MARCHF10: variants seen among roughly 807,000 people sequenced by gnomAD.
MARCHF10 encodes membrane associated ring-CH-type finger 10.
MARCHF10 carries 64 observed loss-of-function variants against 76.2 expected under a neutral mutation model. The observed-to-expected ratio is 0.84, with a 90% CI of 0.69 to 1.03. The LOEUF is 1.03. Ranked by LOEUF, MARCHF10 falls within the 50% of genes least tolerant of loss-of-function variation. MARCHF10 has a pLI of 0.00. For synonymous variants in MARCHF10, 340 were observed against 357.5 expected (o/e 0.95, Z 0.55); for missense variants, 875 against 958.0 (o/e 0.91, Z 1.14).
At position 62,788,431 on chromosome 17, in the gene MARCHF10, C is replaced by G. The variant is rs373544098; in HGVS notation, c.210+49G>C. The G allele has an allele frequency of 1.1e-4, 173 of 1,597,282 alleles. 1 individual carries two copies. Among genetic ancestry groups the G allele is most frequent in the South Asian group, 7.0e-4 (63 of 90,514 alleles). On this transcript the variant is annotated intron_variant, in intron 3 of 10. Transcript: ENST00000311269. The stretch of plus-strand genomic sequence containing the variant: ...CACACACACACACACACCACCACCA[C>G]CAGCAGCAGCAGCAGCCCCAGGAGA...
chr17:62,710,549 G>GTTTTTTT (rs1568093469), intron 9 of MARCHF10, among the ~76,000 whole-genome samples: 1 of 116,980 alleles, frequency 8.5e-6, no homozygotes, highest in African/African-American at 3.6e-5. Context: ...TTTGAACCCA[G>GTTTTTTT]CTTTTTTTTT....
intron 3 of MARCHF10, among the ~76,000 whole-genome samples, chr17:62,786,782 C>T (rs1169682227): frequency 6.6e-6 from 1 of 152,174 alleles, no homozygotes; most frequent in Non-Finnish European, 1.5e-5. Context: ...GAACATAAAA[C>T]TTCAAATCCT....
intron 2 of MARCHF10, chr17:62,795,080 T>A (rs886919734): frequency 4.1e-6 from 4 of 985,070 alleles, no homozygotes; most frequent in Non-Finnish European, 4.8e-6. Context: ...AAAAGTTGAT[T>A]TATCCCCATT....
chr17:62,788,994 C>T (rs375289559), intron 2 of MARCHF10, among the ~76,000 whole-genome samples: 1,401 of 127,332 alleles, frequency 0.011, 15 homozygotes, highest in African/African-American at 0.039. Context: ...ACCCGGGAAG[C>T]GGAGCTTGCA....
At chr17:62,762,085 G>A (rs1162010360) in intron 3 of MARCHF10, among the ~76,000 whole-genome samples, 1 of 152,146 alleles carries the variant, frequency 6.6e-6, no homozygotes, top group Non-Finnish European at 1.5e-5. Flanking sequence ...CATCTTCGCG[G>A]ATCCATTTCC....
intron 3 of MARCHF10, among the ~76,000 whole-genome samples, chr17:62,781,374 C>A (rs769978182): frequency 6.6e-6 from 1 of 152,130 alleles, no homozygotes; most frequent in Non-Finnish European, 1.5e-5. Context: ...AATGATCCCA[C>A]GAGATATGCA....
chr17:62,744,112 T>A (rs1366420734), intron 5 of MARCHF10, among the ~76,000 whole-genome samples: 1 of 152,008 alleles, frequency 6.6e-6, no homozygotes, highest in African/African-American at 2.4e-5. Context: ...TCAAAACCAG[T>A]TACACTCATG....
intron 3 of MARCHF10, among the ~76,000 whole-genome samples, chr17:62,770,604 G>A (rs1035254876): frequency 1.4e-5 from 2 of 146,550 alleles, no homozygotes; most frequent in Admixed American, 7.0e-5. Context: ...TGCAGTGCAC[G>A]ATCTTGACTC....
At chr17:62,798,094 T>C (rs988218172) in intron 2 of MARCHF10, among the ~76,000 whole-genome samples, 1 of 152,180 alleles carries the variant, frequency 6.6e-6, no homozygotes, top group Admixed American at 6.5e-5. Context: ...AATACACATA[T>C]GACTCTGATG....
At chr17:62,701,793 C>T (rs772539507) in intron 10 of MARCHF10, 35 bp from the exon 11 acceptor site, 28 of 1,613,260 alleles carry the variant, frequency 1.7e-5, no homozygotes, top group Admixed American at 3.3e-5. Context: ...GCTGGAGGGC[C>T]GCAGCAGACC....
intron 4 of MARCHF10, chr17:62,747,033 A>T: frequency 8.0e-7 from 1 of 1,254,576 alleles, no homozygotes; most frequent in East Asian, 2.5e-5. Flanking sequence ...TTAGTGTTTA[A>T]ATATTCTAAA....
chr17:62,769,409 TAC>T (rs1287678914), intron 3 of MARCHF10, among the ~76,000 whole-genome samples: 1 of 152,132 alleles, frequency 6.6e-6, no homozygotes, highest in Non-Finnish European at 1.5e-5. Flanking sequence ...TTTCTAATCC[TAC>T]ATTTGTTTGT....
chr17:62,777,850 C>T (rs2092582318), intron 3 of MARCHF10, among the ~76,000 whole-genome samples: 1 of 152,022 alleles, frequency 6.6e-6, no homozygotes, highest in Admixed American at 6.6e-5. Context: ...TGCTGCTGTG[C>T]ACCACCACTT....
At chr17:62,763,141 C>G (rs963341644) in intron 3 of MARCHF10, among the ~76,000 whole-genome samples, 67 of 152,130 alleles carry the variant, frequency 4.4e-4, no homozygotes, top group Admixed American at 4.4e-3. Context: ...TACATGTAAC[C>G]CAGCAAGCGC....
chr17:62,721,315 A>G (rs2090474567), intron 8 of MARCHF10, among the ~76,000 whole-genome samples: 1 of 151,966 alleles, frequency 6.6e-6, no homozygotes, highest in African/African-American at 2.4e-5. Context: ...TGGAAAGTGT[A>G]CTAAGTCTTT....
chr17:62,718,508 T>G (rs2090329924), intron 8 of MARCHF10, among the ~76,000 whole-genome samples: 1 of 152,208 alleles, frequency 6.6e-6, no homozygotes, highest in African/African-American at 2.4e-5. Flanking sequence ...GTGTTTGTGG[T>G]GTCAGTAGAT....
intron 1 of MARCHF10, among the ~76,000 whole-genome samples, chr17:62,805,959 C>T (rs1462677126): frequency 6.6e-6 from 1 of 151,608 alleles, no homozygotes; most frequent in South Asian, 2.1e-4. Flanking sequence ...AAATTGCCTA[C>T]AAAAGTCTCT....
At chr17:62,731,266 C>T (rs540064782) in intron 6 of MARCHF10, among the ~76,000 whole-genome samples, 2 of 151,898 alleles carry the variant, frequency 1.3e-5, no homozygotes, top group African/African-American at 4.8e-5. Context: ...CAAAGAATTA[C>T]TTTTTGTTTT....
rs577476027 is a variant in MARCHF10 at position 62,788,379 on chromosome 17, C to T, written c.210+101G>A. 102 of 1,483,412 alleles carry T rather than the reference C, an allele frequency of 6.9e-5. No homozygotes were observed. The African/African-American group carries it at 1.3e-3, about 19-fold the overall frequency. The allele number at this position is 1,483,412 out of a possible 1,614,324, so 91.9% of individuals were successfully genotyped here. ...TGACCTTTGGGAATCTGCAACATCT[C>T]CTTTTTGAGTTGGCTTTTTCCTACA... On this transcript the variant is annotated intron_variant, in intron 3 of 10. Coordinates refer to ENST00000311269, the MANE Select transcript of MARCHF10 (RefSeq NM_152598.4).
Sources: gnomAD v4.1 joint callset for allele counts (sites outside exome capture counted in the v4.1 genomes callset) on GRCh38, gnomAD v4.1.1 for gene constraint, MANE v1.5 for transcripts, NCBI Gene and HGNC (gene_info 2026-07-23, HGNC 2026-07-21) for gene names.